The following MCCC2 variants were observed in gnomAD, a reference collection of about 807,000 sequenced individuals.
MCCC2 encodes methylcrotonoyl-CoA carboxylase beta chain, mitochondrial.
In MCCC2, 52 loss-of-function variants were observed where a neutral mutation model predicts 77.2. The ratio of observed to expected loss-of-function variants is 0.67; its 90% CI spans 0.54 to 0.85. The LOEUF (loss-of-function observed/expected upper bound fraction) is 0.85. MCCC2 is among the 40% of genes least tolerant of loss of function. MCCC2 has a pLI of 0.00. For missense variants in MCCC2, 682 were observed against 703.2 expected (o/e 0.97, Z 0.34); for synonymous variants, 253 against 248.4 (o/e 1.02, Z -0.18).
chr5:71,646,306 G>C, intron 13 of MCCC2, 29 bp downstream of exon 13: 1 of 1,598,908 alleles, frequency 6.3e-7, no homozygotes, highest in Non-Finnish European at 8.6e-7. Flanking sequence ...CAGTTTGGTT[G>C]TATTGATTCC....
chr5:71,617,838 C>T (rs1349773191), intron 6 of MCCC2, among the ~76,000 whole-genome samples: 1 of 152,090 alleles, frequency 6.6e-6, no homozygotes, highest in South Asian at 2.1e-4. Flanking sequence ...GCAATCATAC[C>T]CGTATCGTTT....
intron 6 of MCCC2, among the ~76,000 whole-genome samples, chr5:71,618,836 C>A (rs1746269457): frequency 6.6e-6 from 1 of 152,140 alleles, no homozygotes; most frequent in South Asian, 2.1e-4. Context: ...TGTGTGTTTT[C>A]TTTAGGTCTC....
intron 16 of MCCC2, among the ~76,000 whole-genome samples, chr5:71,654,040 C>G (rs1417106745): frequency 3.3e-5 from 5 of 152,076 alleles, no homozygotes; most frequent in African/African-American, 1.2e-4. Context: ...CTCTGTTGCC[C>G]AGTTTGGAGT....
In MCCC2 at chr5:71,587,468, G is replaced by A; in HGVS notation, c.43G>A (p.Ala15Thr). The A allele has an allele frequency of 6.5e-7, 1 of 1,535,970 alleles. No individual in the cohort carries two copies. Among genetic ancestry groups the A allele is most frequent in the South Asian group, 1.2e-5 (1 of 83,940 alleles). ...GTTAGCCCTGCGGCCGTGTGCCCGCGCCTCTCCCGCCGGGCCGCGCGCCTA... is the reference window on the plus strand; with the variant it reads ...GTTAGCCCTGCGGCCGTGTGCCCGCACCTCTCCCGCCGGGCCGCGCGCCTA... ...LRLALRPCAR[A>T]SPAGPRAYHG... The change falls in exon 1 of 17, where the codon GCC (alanine) becomes ACC (threonine). Residue 15 changes from alanine to threonine, a missense_variant. Ala to Thr is a moderately conservative substitution (Grantham distance 58, BLOSUM62 0). Transcript: ENST00000340941.
At chr5:71,649,544 C>T (rs943953666) in intron 14 of MCCC2, among the ~76,000 whole-genome samples, 1 of 152,146 alleles carries the variant, frequency 6.6e-6, no homozygotes, top group Admixed American at 6.5e-5. Context: ...GGTATGTAGC[C>T]TTAAAGGCAT....
intron 10 of MCCC2, among the ~76,000 whole-genome samples, chr5:71,637,207 C>T (rs1746962906): frequency 6.6e-6 from 1 of 152,106 alleles, no homozygotes; most frequent in South Asian, 2.1e-4. Flanking sequence ...ATACAATGAT[C>T]ACCTGTATAT....
At chr5:71,633,133 T>TATATATATATATA (rs1561841506) in intron 8 of MCCC2, among the ~76,000 whole-genome samples, 16 of 113,002 alleles carry the variant, frequency 1.4e-4, no homozygotes, top group Middle Eastern at 4.7e-3. Context: ...ATATATATAT[T>TATATATATATATA]TTTATTTTTT....
At chr5:71,633,123 ATATATATATT>A (rs1480867076) in intron 8 of MCCC2, among the ~76,000 whole-genome samples, 10 of 31,798 alleles carry the variant, frequency 3.1e-4, no homozygotes, top group African/African-American at 8.2e-4. Context: ...ATATATATAT[ATATATATATT>A]TTTATTTTTT....
intron 5 of MCCC2, 35 bp from the exon 6 acceptor site, chr5:71,604,321 T>G: frequency 1.3e-6 from 2 of 1,551,814 alleles, no homozygotes; most frequent in African/African-American, 1.4e-5. Flanking sequence ...ATTTAGTTCA[T>G]AGAGATGCTT....
intron 6 of MCCC2, among the ~76,000 whole-genome samples, chr5:71,611,187 G>A (rs1745926405): frequency 6.6e-6 from 1 of 152,172 alleles, no homozygotes; most frequent in African/African-American, 2.4e-5. Flanking sequence ...GATCACTTGA[G>A]TCCAGGAGTG....
At position 71,652,436 on chromosome 5, in the gene MCCC2, C is replaced by T. The variant is rs6875115; in HGVS notation, c.1489-233C>T. Among the ~76,000 whole-genome samples the T allele has an allele frequency of 0.78, 118,590 of 152,180 alleles. 48,211 individuals are homozygous for T. The highest frequency in any genetic ancestry group is 0.98 in the East Asian group (5,090 of 5,188). On this transcript the variant is annotated intron_variant, in intron 15 of 16. Transcript: ENST00000340941. ...CACAGTACCCTGGGCTTTCACCTTA[C>T]GTGAAATAGCCTCAGGATATTGTCT...
chr5:71,636,715 T>C (rs1270363442), intron 10 of MCCC2: 1 of 151,378 alleles, frequency 6.6e-6, no homozygotes, highest in Admixed American at 6.6e-5. Context: ...AATAAATAAA[T>C]AAATAAAGAT....
chr5:71,631,654 C>G (rs967650148), intron 7 of MCCC2, among the ~76,000 whole-genome samples: 3 of 151,940 alleles, frequency 2.0e-5, no homozygotes, highest in Non-Finnish European at 2.9e-5. Flanking sequence ...CATTCTCCTG[C>G]CTCAGCCTCC....
chr5:71,604,647 C>T (rs373029111), intron 6 of MCCC2, among the ~76,000 whole-genome samples, 179 bp downstream of exon 6: 11 of 151,290 alleles, frequency 7.3e-5, no homozygotes, highest in East Asian at 5.9e-4. Context: ...TAGTTACATA[C>T]GTACACATGT....
At chr5:71,620,181 A>G (rs1746309663) in intron 6 of MCCC2, among the ~76,000 whole-genome samples, 1 of 152,188 alleles carries the variant, frequency 6.6e-6, no homozygotes, top group African/African-American at 2.4e-5. Flanking sequence ...AAGCATGACT[A>G]CTATCAAATC....
intron 6 of MCCC2, among the ~76,000 whole-genome samples, chr5:71,620,205 A>G (rs1220999059): frequency 6.6e-6 from 1 of 152,204 alleles, no homozygotes; most frequent in Non-Finnish European, 1.5e-5. Context: ...GGTATTGATC[A>G]GTCAGTATAG....
At chr5:71,616,037 T>C (rs1746145349) in intron 6 of MCCC2, among the ~76,000 whole-genome samples, 1 of 152,154 alleles carries the variant, frequency 6.6e-6, no homozygotes, top group Non-Finnish European at 1.5e-5. Flanking sequence ...GAAGCCTCCA[T>C]AAAAATCCCT....
intron 6 of MCCC2, among the ~76,000 whole-genome samples, chr5:71,623,075 T>C (rs1196958507): frequency 6.6e-6 from 1 of 152,240 alleles, no homozygotes; most frequent in Non-Finnish European, 1.5e-5. Flanking sequence ...TTGAACAGGT[T>C]AGATAGGTTC....
chr5:71,594,574 G>A (rs1388245258), intron 2 of MCCC2, among the ~76,000 whole-genome samples: 1 of 151,668 alleles, frequency 6.6e-6, no homozygotes, highest in Non-Finnish European at 1.5e-5. Context: ...GAGGGTTGAG[G>A]AGTCCTGTGG....
Sources: allele counts gnomAD v4.1 joint callset (sites outside exome capture counted in the v4.1 genomes callset), GRCh38; gene constraint gnomAD v4.1.1; transcripts MANE v1.5; gene names NCBI Gene and HGNC (gene_info 2026-07-23, HGNC 2026-07-21).